The following LIPK variants were observed in gnomAD, a reference collection of about 807,000 sequenced individuals.
LIPK encodes lipase family member K, also known as lipase member K.
Under a neutral mutation model 48.6 loss-of-function variants are expected in LIPK, and 32 were observed. That is an observed-to-expected ratio of 0.66 (90% CI 0.50 to 0.88). The LOEUF is 0.88. LIPK is among the 40% of genes least tolerant of loss of function. LIPK has a pLI of 0.00. For synonymous variants in LIPK, 164 were observed against 157.4 expected, an observed-to-expected ratio of 1.04 and a Z score of -0.32; for missense variants, 507 against 478.5, an observed-to-expected ratio of 1.06 and a Z score of -0.56.
intron 8 of LIPK, among the ~76,000 whole-genome samples, chr10:88,742,617 G>A (rs1330685499): frequency 6.6e-6 from 1 of 152,196 alleles, no homozygotes; most frequent in Non-Finnish European, 1.5e-5. Context: ...AAATGCAAAA[G>A]TAGTCATGCA....
chr10:88,717,599 G>A (rs958292196), intron 1 of LIPK, among the ~76,000 whole-genome samples: 11 of 152,026 alleles, frequency 7.2e-5, no homozygotes, highest in Non-Finnish European at 1.6e-4. Context: ...TCTCCTAATT[G>A]TGCATTGTGA....
At chr10:88,735,204 T>C (rs1220296673) in intron 6 of LIPK, among the ~76,000 whole-genome samples, 1 of 152,220 alleles carries the variant, frequency 6.6e-6, no homozygotes, top group African/African-American at 2.4e-5. Flanking sequence ...TGAGTAGAGT[T>C]CGTCAAGTTG....
intron 1 of LIPK, among the ~76,000 whole-genome samples, chr10:88,718,593 A>G (rs567217587): frequency 6.6e-6 from 1 of 152,042 alleles, no homozygotes; most frequent in East Asian, 1.9e-4. Flanking sequence ...TTTATACTCA[A>G]ATTTGTTAAG....
At chr10:88,743,359 A>G (rs1842713696) in intron 9 of LIPK, 38 bp downstream of exon 9, 1 of 1,447,510 alleles carries the variant, frequency 6.9e-7, no homozygotes, top group Non-Finnish European at 9.5e-7. Flanking sequence ...CCATGCTGCA[A>G]ATGAACTAAC....
At chr10:88,733,171 C>A (rs536404191) in intron 6 of LIPK, among the ~76,000 whole-genome samples, 1 of 152,308 alleles carries the variant, frequency 6.6e-6, no homozygotes, top group African/African-American at 2.4e-5. Flanking sequence ...AATGCCCAAC[C>A]TTGTTTCATT....
At chr10:88,707,911 G>A (rs983832825) in intron 1 of LIPK, among the ~76,000 whole-genome samples, 1 of 152,118 alleles carries the variant, frequency 6.6e-6, no homozygotes, top group African/African-American at 2.4e-5. Context: ...TTGGTAAGAG[G>A]TTAAAAGTAT....
At chr10:88,724,469 T>G in intron 1 of LIPK, 64 bp from the exon 2 acceptor site, 1 of 959,772 alleles carries the variant, frequency 1.0e-6, no homozygotes, top group Non-Finnish European at 1.6e-6. Flanking sequence ...ATAAAAAGAT[T>G]ACACCAAATT....
At chr10:88,740,392 T>C (rs1181053122) in intron 8 of LIPK, among the ~76,000 whole-genome samples, 1 of 152,216 alleles carries the variant, frequency 6.6e-6, no homozygotes, top group Admixed American at 6.5e-5. Flanking sequence ...AAATGATGCA[T>C]CTTATTCCAG....
chr10:88,750,505 T>C (rs1404197978), intron 9 of LIPK, among the ~76,000 whole-genome samples: 1 of 152,154 alleles, frequency 6.6e-6, no homozygotes, highest in African/African-American at 2.4e-5. Flanking sequence ...TGCAGCAATG[T>C]GGATGCAGGT....
intron 9 of LIPK, among the ~76,000 whole-genome samples, chr10:88,748,763 T>C (rs1016052824): frequency 1.3e-5 from 2 of 152,152 alleles, no homozygotes; most frequent in African/African-American, 4.8e-5. Context: ...ACCACTCCTA[T>C]TGAGCATAGT....
In LIPK at chr10:88,752,729, A is replaced by T; in HGVS notation, c.1173A>T (p.Ile391=). ...AGGAAATTTACCAAGACCTAATTATATTGATGGAAGAATATTTACAAAATT... is the reference window on the plus strand; with the variant it reads ...AGGAAATTTACCAAGACCTAATTATTTTGATGGAAGAATATTTACAAAATT... ...APQEIYQDLI[I]LMEEYLQN The change falls in exon 10 of 10, where the codon ATA becomes ATT. Residue 391 remains isoleucine, a synonymous_variant. Transcript: ENST00000404190. 1 of 1,555,490 alleles carries T rather than the reference A, an allele frequency of 6.4e-7. No individual in the cohort carries two copies. The highest frequency in any genetic ancestry group is 8.7e-7 in the Non-Finnish European group (1 of 1,145,066).
chr10:88,734,720 A>G (rs1191188995), intron 6 of LIPK, among the ~76,000 whole-genome samples: 1 of 152,224 alleles, frequency 6.6e-6, no homozygotes, highest in Admixed American at 6.5e-5. Flanking sequence ...ACTGATGAGA[A>G]GAATGATTAT....
intron 8 of LIPK, among the ~76,000 whole-genome samples, chr10:88,740,792 G>A (rs1842666039): frequency 6.7e-6 from 1 of 148,730 alleles, no homozygotes. Context: ...CTTCTTAAAG[G>A]TTTAATATAT....
At chr10:88,739,633 A>G (rs1359546442) in intron 7 of LIPK, among the ~76,000 whole-genome samples, 1 of 152,112 alleles carries the variant, frequency 6.6e-6, no homozygotes, top group Non-Finnish European at 1.5e-5. Flanking sequence ...AGGCAGGCGG[A>G]TCACGAGGTC....
intron 1 of LIPK, among the ~76,000 whole-genome samples, chr10:88,715,969 C>T (rs1305462745): frequency 2.6e-5 from 4 of 151,982 alleles, no homozygotes; most frequent in Non-Finnish European, 5.9e-5. Context: ...TATATTTGAT[C>T]TAGTGAGAGA....
At chr10:88,717,994 T>C (rs1261265119) in intron 1 of LIPK, among the ~76,000 whole-genome samples, 1 of 151,958 alleles carries the variant, frequency 6.6e-6, no homozygotes, top group African/African-American at 2.4e-5. Context: ...AAGAGGCTCT[T>C]TCAGTTTTTT....
At chr10:88,733,123 A>G (rs539070069) in intron 6 of LIPK, among the ~76,000 whole-genome samples, 31 of 152,314 alleles carry the variant, frequency 2.0e-4, no homozygotes, top group African/African-American at 7.2e-4. Flanking sequence ...TGTTTTTGTT[A>G]TCATTAGTTT....
intron 9 of LIPK, 105 bp downstream of exon 9, chr10:88,743,426 T>G (rs1842714972): frequency 2.7e-6 from 2 of 736,200 alleles, no homozygotes. Flanking sequence ...CACTGGATAT[T>G]GCTTATTGCT....
At position 88,731,003 on chromosome 10, in the gene LIPK, T is replaced by G. The variant is rs1246715510; in HGVS notation, c.244T>G (p.Leu82Val). The G allele has an allele frequency of 6.3e-7, 1 of 1,590,146 alleles. No homozygotes were observed. ...TGCAGCTCCAAAGCCTGCTGTGTAT[T>G]TGCAGCATGGCTTAATTGCATCTGC... Reference protein sequence around the residue: ...GRTAPKPAVYLQHGLIASASN... With the variant: ...GRTAPKPAVYVQHGLIASASN... The change falls in exon 4 of 10, where the codon TTG becomes GTG. Residue 82 changes from leucine to valine, a missense_variant. Physicochemically the swap from Leu to Val is conservative, Grantham distance 32. Transcript: ENST00000404190.
Sources: gnomAD v4.1 joint callset for allele counts (sites outside exome capture counted in the v4.1 genomes callset) on GRCh38, gnomAD v4.1.1 for gene constraint, MANE v1.5 for transcripts, NCBI Gene and HGNC (gene_info 2026-07-23, HGNC 2026-07-21) for gene names.